The following ANO5 variants were observed in gnomAD, a reference collection of about 807,000 sequenced individuals.
ANO5 encodes the protein anoctamin-5.
ANO5 carries 109 observed loss-of-function variants against 121.0 expected under a neutral mutation model. That is an observed-to-expected ratio of 0.90 (90% CI 0.77 to 1.06). The LOEUF (loss-of-function observed/expected upper bound fraction) is 1.06, where lower values mean the gene tolerates loss of function less well. Ranked by LOEUF, ANO5 falls within the 50% of genes least tolerant of loss-of-function variation. The pLI is 0.00. For missense variants in ANO5, 1,064 were observed against 1,078.5 expected (o/e 0.99, Z 0.19); for synonymous variants, 406 against 359.9 (o/e 1.13, Z -1.45).
intron 1 of ANO5, among the ~76,000 whole-genome samples, chr11:22,196,889 AAAAAT>A (rs1456512575): frequency 6.6e-6 from 1 of 152,198 alleles, no homozygotes; most frequent in Non-Finnish European, 1.5e-5. Flanking sequence ...TAAATAAAAT[AAAAAT>A]AAAATAAACG....
At chr11:22,272,686 G>T (rs766358811) in intron 18 of ANO5, 98 bp from the exon 19 acceptor site, 10 of 1,114,694 alleles carry the variant, frequency 9.0e-6, no homozygotes, top group Non-Finnish European at 1.3e-5. Context: ...TATTCGTGTG[G>T]ATCACTCCAA....
intron 5 of ANO5, among the ~76,000 whole-genome samples, chr11:22,224,880 G>A (rs962447751): frequency 1.3e-5 from 2 of 152,034 alleles, no homozygotes; most frequent in Admixed American, 6.6e-5. Flanking sequence ...AAGCCATTAT[G>A]TTAAGTGAAA....
Position 22,257,704 on chromosome 11 carries a change from T to C in ANO5, c.1357T>C (p.Tyr453His). ...GGAGATGGAACCTTACATGCCTCTA[T>C]ACACGCGTATTCCATGGTACTTTCT... The part of the protein sequence containing the change: ...TKEMEPYMPL[Y>H]TRIPWYFLSG... The change falls in exon 14 of 22, where the codon TAC (tyrosine) becomes CAC (histidine). Residue 453 changes from tyrosine (Y) to histidine (H), a missense_variant. By Grantham distance (83) the Tyr-to-His change is moderately conservative. Coordinates refer to ENST00000324559, the MANE Select transcript of ANO5 (RefSeq NM_213599.3). The C allele has an allele frequency of 6.2e-7, 1 of 1,612,604 alleles. No homozygotes were observed.
intron 8 of ANO5, among the ~76,000 whole-genome samples, chr11:22,236,761 G>A (rs1853234877): frequency 6.6e-6 from 1 of 152,160 alleles, no homozygotes; most frequent in Admixed American, 6.6e-5. Flanking sequence ...CATAGACTAG[G>A]ACTCTCCTAG....
At chr11:22,212,559 A>T (rs1420199469) in intron 3 of ANO5, among the ~76,000 whole-genome samples, 1 of 151,940 alleles carries the variant, frequency 6.6e-6, no homozygotes, top group African/African-American at 2.4e-5. Context: ...GTTTGTAACA[A>T]ACCTGTGAAA....
intron 18 of ANO5, 116 bp downstream of exon 18, chr11:22,270,558 T>C: frequency 6.7e-7 from 1 of 1,485,586 alleles, no homozygotes; most frequent in Non-Finnish European, 9.2e-7. Context: ...TTTGACTGGT[T>C]GGCAAAAAAG....
intron 8 of ANO5, 146 bp downstream of exon 8, chr11:22,236,422 G>A: frequency 2.9e-6 from 2 of 684,728 alleles, no homozygotes; most frequent in Non-Finnish European, 5.3e-6. Flanking sequence ...TCTGAGCTGA[G>A]AGCTTTACGA....
At chr11:22,228,425 T>C (rs985945359) in intron 7 of ANO5, among the ~76,000 whole-genome samples, 1 of 152,060 alleles carries the variant, frequency 6.6e-6, no homozygotes, top group Non-Finnish European at 1.5e-5. Flanking sequence ...AATACATGTA[T>C]ACATTATGTA....
At chr11:22,216,442 A>G (rs1261989611) in intron 3 of ANO5, among the ~76,000 whole-genome samples, 1 of 151,792 alleles carries the variant, frequency 6.6e-6, no homozygotes, top group Non-Finnish European at 1.5e-5. Context: ...TTTCTTTTTT[A>G]AATAATGATG....
At chr11:22,196,155 C>T (rs1051247118) in intron 1 of ANO5, among the ~76,000 whole-genome samples, 6 of 152,072 alleles carry the variant, frequency 3.9e-5, no homozygotes, top group East Asian at 1.9e-4. Flanking sequence ...GAAAATATTT[C>T]GCTTTTGGTT....
At chr11:22,262,820 T>C (rs1304102032) in intron 16 of ANO5, 126 bp from the exon 17 acceptor site, 2 of 763,534 alleles carry the variant, frequency 2.6e-6, no homozygotes, top group Non-Finnish European at 4.6e-6. Context: ...TTGGGCTAAA[T>C]ATATCTTAAC....
intron 9 of ANO5, 56 bp from the exon 10 acceptor site, chr11:22,250,181 G>A: frequency 6.8e-7 from 1 of 1,478,928 alleles, no homozygotes. Context: ...CAAAATCAAG[G>A]CTCCAGACTA....
intron 3 of ANO5, among the ~76,000 whole-genome samples, chr11:22,217,483 T>C (rs75701937): frequency 1.2e-4 from 18 of 152,106 alleles, no homozygotes; most frequent in African/African-American, 4.3e-4. Flanking sequence ...ATCATATCAG[T>C]ATAAATGTGG....
chr11:22,214,439 C>T (rs769869140), intron 3 of ANO5, among the ~76,000 whole-genome samples: 1 of 151,744 alleles, frequency 6.6e-6, no homozygotes, highest in Non-Finnish European at 1.5e-5. Context: ...TAGGCCTACT[C>T]AGTGTAGGAT....
intron 17 of ANO5, among the ~76,000 whole-genome samples, chr11:22,263,484 G>A (rs949210164): frequency 1.7e-4 from 26 of 152,084 alleles, no homozygotes; most frequent in Non-Finnish European, 2.8e-4. Flanking sequence ...GATGTGTCAT[G>A]TAATCTAGGC....
At chr11:22,213,454 T>C (rs2133560169) in intron 3 of ANO5, among the ~76,000 whole-genome samples, 1 of 151,588 alleles carries the variant, frequency 6.6e-6, no homozygotes, top group Non-Finnish European at 1.5e-5. Context: ...TTTTTTTTTA[T>C]GATTAGACTT....
At chr11:22,251,835 G>C (rs1369664671) in intron 12 of ANO5, among the ~76,000 whole-genome samples, 1 of 151,482 alleles carries the variant, frequency 6.6e-6, no homozygotes, top group Non-Finnish European at 1.5e-5. Flanking sequence ...GATTACCCTG[G>C]CTAACACGGT....
chr11:22,204,769 A>G (rs186993857), intron 2 of ANO5, among the ~76,000 whole-genome samples: 1 of 152,256 alleles, frequency 6.6e-6, no homozygotes, highest in African/African-American at 2.4e-5. Context: ...TAGTTCAGGC[A>G]TTGTGGAAGA....
chr11:22,263,381 TG>T (rs1854260928), intron 17 of ANO5, among the ~76,000 whole-genome samples: 1 of 152,216 alleles, frequency 6.6e-6, no homozygotes, highest in African/African-American at 2.4e-5. Flanking sequence ...AAGATTTCAC[TG>T]GGACATCTAA....
Sources: allele counts gnomAD v4.1 joint callset (sites outside exome capture counted in the v4.1 genomes callset), GRCh38; gene constraint gnomAD v4.1.1; transcripts MANE v1.5; gene names NCBI Gene and HGNC (gene_info 2026-07-23, HGNC 2026-07-21).